NDUFA9: variants seen among roughly 807,000 people sequenced by gnomAD.
NDUFA9 encodes the protein NADH dehydrogenase [ubiquinone] 1 alpha subcomplex subunit 9, mitochondrial.
A neutral mutation model predicts 45.9 loss-of-function variants in NDUFA9; 23 were observed. That is an observed-to-expected ratio of 0.50 (90% CI 0.36 to 0.71). The LOEUF (loss-of-function observed/expected upper bound fraction) is 0.71. Among genes scored for constraint, NDUFA9 ranks in the 30% least tolerant of loss-of-function variants. The pLI, the probability that NDUFA9 is intolerant of heterozygous loss-of-function variation, is 0.00. For missense variants in NDUFA9, 466 were observed against 488.2 expected, an observed-to-expected ratio of 0.95 and a Z score of 0.43; for synonymous variants, 176 against 170.5, an observed-to-expected ratio of 1.03 and a Z score of -0.25.
At chr12:4,686,854 C>A in intron 10 of NDUFA9, 84 bp from the exon 11 acceptor site, 2 of 1,333,584 alleles carry the variant, frequency 1.5e-6, no homozygotes, top group South Asian at 1.4e-5. Flanking sequence ...CTCATGCCAG[C>A]TTGAATGTTT....
intron 5 of NDUFA9, among the ~76,000 whole-genome samples, chr12:4,660,667 C>A (rs137864107): frequency 6.6e-6 from 1 of 152,028 alleles, no homozygotes; most frequent in Non-Finnish European, 1.5e-5. Context: ...CATGATAAGG[C>A]GGAAGGGAAA....
intron 6 of NDUFA9, among the ~76,000 whole-genome samples, chr12:4,668,232 CTT>C (rs1212398638): frequency 6.6e-6 from 1 of 152,338 alleles, no homozygotes; most frequent in East Asian, 1.9e-4. Context: ...CATTTGACCT[CTT>C]TTCTTTGCTC....
At chr12:4,649,356 T>C (rs1945740821) in intron 1 of NDUFA9, among the ~76,000 whole-genome samples, 181 bp downstream of exon 1, 1 of 152,206 alleles carries the variant, frequency 6.6e-6, no homozygotes. Context: ...GGCTCACATA[T>C]TCAATTGTGC....
intron 6 of NDUFA9, among the ~76,000 whole-genome samples, chr12:4,665,163 T>A (rs1224477462): frequency 1.3e-5 from 2 of 152,222 alleles, no homozygotes; most frequent in Non-Finnish European, 2.9e-5. Flanking sequence ...AGTATTAAGA[T>A]ATTTACATTG....
chr12:4,683,244 C>G (rs1484260925), intron 9 of NDUFA9, among the ~76,000 whole-genome samples: 1 of 151,880 alleles, frequency 6.6e-6, no homozygotes, highest in Non-Finnish European at 1.5e-5. Flanking sequence ...ATGGGAGCTC[C>G]TTTCTCGTCC....
chr12:4,658,863 T>A (rs1342030842), intron 4 of NDUFA9, among the ~76,000 whole-genome samples, 173 bp from the exon 5 acceptor site: 1 of 152,246 alleles, frequency 6.6e-6, no homozygotes, highest in Non-Finnish European at 1.5e-5. Context: ...GTGCTGGGAT[T>A]ACAGGCATGA....
intron 9 of NDUFA9, among the ~76,000 whole-genome samples, chr12:4,684,573 C>T (rs771184969): frequency 5.3e-5 from 8 of 152,060 alleles, no homozygotes; most frequent in South Asian, 2.1e-4. Context: ...AGTGTGAGTC[C>T]GGCCTGGACA....
At chr12:4,668,195 C>G (rs1393543037) in intron 6 of NDUFA9, among the ~76,000 whole-genome samples, 1 of 152,194 alleles carries the variant, frequency 6.6e-6, no homozygotes, top group Admixed American at 6.5e-5. Context: ...ATGCATTTAG[C>G]ATTGCAGAGC....
chr12:4,666,515 T>A (rs1945854013), intron 6 of NDUFA9, among the ~76,000 whole-genome samples: 1 of 152,212 alleles, frequency 6.6e-6, no homozygotes, highest in Non-Finnish European at 1.5e-5. Flanking sequence ...TTTTAGAGTT[T>A]TAGCTCTTAG....
chr12:4,673,659 C>T (rs1474071578), intron 8 of NDUFA9, among the ~76,000 whole-genome samples: 1 of 152,022 alleles, frequency 6.6e-6, no homozygotes, highest in Non-Finnish European at 1.5e-5. Flanking sequence ...ACAAAACTTC[C>T]AAGAAATATG....
chr12:4,685,369 G>A (rs749056983), intron 10 of NDUFA9, 44 bp downstream of exon 10: 1 of 1,553,562 alleles, frequency 6.4e-7, no homozygotes, highest in Non-Finnish European at 8.9e-7. Flanking sequence ...AGATGATGAG[G>A]CGTTAGACTT....
At chr12:4,677,240 G>A (rs2137481872) in intron 8 of NDUFA9, among the ~76,000 whole-genome samples, 1 of 152,224 alleles carries the variant, frequency 6.6e-6, no homozygotes, top group South Asian at 2.1e-4. Context: ...CATAGGCATG[G>A]GCAAAGACTT....
At chr12:4,683,119 T>A (rs1565572657) in intron 9 of NDUFA9, among the ~76,000 whole-genome samples, 1 of 150,528 alleles carries the variant, frequency 6.6e-6, no homozygotes, top group Non-Finnish European at 1.5e-5. Context: ...GGTGGGAGGA[T>A]CACTTGAGTT....
At chr12:4,683,957 C>T (rs912708036) in intron 9 of NDUFA9, among the ~76,000 whole-genome samples, 1 of 152,096 alleles carries the variant, frequency 6.6e-6, no homozygotes, top group South Asian at 2.1e-4. Context: ...CCATTGTGAC[C>T]GTGGCTTCAG....
At chr12:4,653,621 T>C (rs1373433589) in intron 1 of NDUFA9, 1 of 453,200 alleles carries the variant, frequency 2.2e-6, no homozygotes, top group Admixed American at 2.4e-5. Flanking sequence ...CAGAATATCT[T>C]TTCTCAAGCA....
chr12:4,667,677 A>C (rs2137473547), intron 6 of NDUFA9: 1 of 159,328 alleles, frequency 6.3e-6, no homozygotes, highest in Non-Finnish European at 1.4e-5. Context: ...ACGCCCAGCT[A>C]ATTTTTGTAT....
chr12:4,678,450 A>G lies in NDUFA9; in HGVS notation c.801-3755A>G, dbSNP rs534376002. On this transcript the variant is annotated intron_variant, in intron 8 of 10. Coordinates refer to ENST00000266544, the MANE Select transcript of NDUFA9 (RefSeq NM_005002.5). The stretch of plus-strand genomic sequence containing the variant: ...CATAAAATAAAAAATAAATGGATAC[A>G]TTAGACTTCACCAAAATTAAAGCTC... Among the ~76,000 whole-genome samples, 11 of 152,256 alleles carry G rather than the reference A, an allele frequency of 7.2e-5. No homozygotes were observed. In the South Asian group the frequency reaches 2.1e-3, roughly 29 times the overall value.
At chr12:4,685,814 GTCAGT>G (rs1435624867) in intron 10 of NDUFA9, among the ~76,000 whole-genome samples, 2 of 152,106 alleles carry the variant, frequency 1.3e-5, no homozygotes, top group East Asian at 3.9e-4. Flanking sequence ...ACATCCAATG[GTCAGT>G]TCTCAGACCT....
At chr12:4,682,396 G>A (rs1161449189) in intron 9 of NDUFA9, 96 bp downstream of exon 9, 1 of 753,494 alleles carries the variant, frequency 1.3e-6, no homozygotes, top group Non-Finnish European at 2.1e-6. Context: ...TGTGTGAAGG[G>A]CTGGTCTCCA....
Sources: allele counts gnomAD v4.1 joint callset (sites outside exome capture counted in the v4.1 genomes callset), GRCh38; gene constraint gnomAD v4.1.1; transcripts MANE v1.5; gene names NCBI Gene and HGNC (gene_info 2026-07-23, HGNC 2026-07-21).